The following GCNT2 variants were observed in gnomAD, a reference collection of about 807,000 sequenced individuals.
GCNT2 encodes the protein glucosaminyl (N-acetyl) transferase 2 (I blood group).
Under a neutral mutation model 34.2 loss-of-function variants are expected in GCNT2, and 34 were observed. The ratio of observed to expected loss-of-function variants is 1.00; its 90% CI spans 0.76 to 1.32. The LOEUF is 1.32. Ranked by LOEUF, GCNT2 falls within the 40% of genes most tolerant of loss-of-function variation. The pLI is 0.00. For synonymous variants in GCNT2, 212 were observed against 188.0 expected (o/e 1.13, Z -1.04); for missense variants, 584 against 489.4 (o/e 1.19, Z -1.82).
intron 1 of GCNT2, among the ~76,000 whole-genome samples, chr6:10,524,328 G>T (rs1761084618): frequency 6.8e-6 from 1 of 147,850 alleles, no homozygotes; most frequent in South Asian, 2.2e-4. Context: ...TCGGCTCACC[G>T]CAACCTTCGC....
At chr6:10,595,479 G>A (rs767891774) in intron 3 of GCNT2, among the ~76,000 whole-genome samples, 12 of 151,876 alleles carry the variant, frequency 7.9e-5, no homozygotes, top group Non-Finnish European at 1.5e-4. Context: ...GGGTTTCATC[G>A]TGTTGGCCAG....
chr6:10,577,014 G>T, intron 3 of GCNT2, among the ~76,000 whole-genome samples: 1 of 152,260 alleles, frequency 6.6e-6, no homozygotes, highest in African/African-American at 2.4e-5. Context: ...GGAGTTCAAG[G>T]CTGCAGTGAG....
intron 3 of GCNT2, among the ~76,000 whole-genome samples, chr6:10,613,652 A>T (rs1461353211): frequency 6.6e-6 from 1 of 152,230 alleles, no homozygotes; most frequent in African/African-American, 2.4e-5. Flanking sequence ...AAAACAACAT[A>T]AAATTAACAA....
intron 3 of GCNT2, among the ~76,000 whole-genome samples, chr6:10,563,777 A>AAATATATATAT (rs1554130891): frequency 8.1e-5 from 2 of 24,708 alleles, no homozygotes; most frequent in African/African-American, 2.6e-4. Flanking sequence ...AAAAAAAAAA[A>AAATATATATAT]ATATATATAT....
At chr6:10,589,739 T>C (rs1764551268) in intron 3 of GCNT2, among the ~76,000 whole-genome samples, 1 of 152,180 alleles carries the variant, frequency 6.6e-6, no homozygotes, top group African/African-American at 2.4e-5. Flanking sequence ...GGTACTTTAT[T>C]ATGTTTATAG....
chr6:10,626,558 GA>G lies in GCNT2; in HGVS notation c.1162del (p.Thr388ProfsTer23). 1 of 1,614,016 alleles carries G rather than the reference GA, an allele frequency of 6.2e-7. No individual in the cohort carries two copies. Among genetic ancestry groups the G allele is most frequent in the Non-Finnish European group, 8.5e-7 (1 of 1,179,886 alleles). ...TGCCTAGAACTGAGGCATCGCGAAAGAACCCTCAATCAGAGTGAAACTGCGA... is the reference window on the plus strand; with the variant it reads ...TGCCTAGAACTGAGGCATCGCGAAAGACCCTCAATCAGAGTGAAACTGCGA... ...VECLELRHRE[R>X]TLNQSETAIQ... On this transcript the variant is annotated frameshift_variant, in exon 5 of 5. Transcript: ENST00000495262. LOFTEE classifies it high-confidence loss of function.
chr6:10,592,234 T>C (rs1764682741), intron 3 of GCNT2, among the ~76,000 whole-genome samples: 1 of 152,228 alleles, frequency 6.6e-6, no homozygotes, highest in African/African-American at 2.4e-5. Context: ...CTTCCATAGG[T>C]TCGTATCCAT....
At chr6:10,549,914 C>T (rs150055039) in intron 3 of GCNT2, among the ~76,000 whole-genome samples, 163 of 152,156 alleles carry the variant, frequency 1.1e-3, no homozygotes, top group African/African-American at 3.6e-3. Context: ...AATATAAGCA[C>T]CAGGTGTTTG....
chr6:10,537,728 AAAAC>A (rs1561784320), intron 3 of GCNT2, among the ~76,000 whole-genome samples: 2 of 102,056 alleles, frequency 2.0e-5, no homozygotes, highest in African/African-American at 3.9e-5. Context: ...AAAAAAAAAC[AAAAC>A]AAAGAAAACG....
intron 3 of GCNT2, among the ~76,000 whole-genome samples, chr6:10,579,054 T>G (rs141002133): frequency 1.2e-4 from 18 of 152,336 alleles, no homozygotes; most frequent in Middle Eastern, 3.4e-3. Context: ...TTAATATGAA[T>G]TTCTCTGATC....
At chr6:10,563,598 C>T (rs1763113563) in intron 3 of GCNT2, among the ~76,000 whole-genome samples, 1 of 151,114 alleles carries the variant, frequency 6.6e-6, no homozygotes, top group South Asian at 2.1e-4. Flanking sequence ...AAAAATTAGC[C>T]TGGCGTGGTG....
intron 3 of GCNT2, among the ~76,000 whole-genome samples, chr6:10,602,055 G>A (rs9466915): frequency 1.3e-5 from 2 of 152,082 alleles, no homozygotes; most frequent in Admixed American, 6.5e-5. Context: ...GAGAGGGTAC[G>A]AGGGCAAACC....
chr6:10,614,969 T>C (rs925154091), intron 3 of GCNT2, among the ~76,000 whole-genome samples: 2 of 152,190 alleles, frequency 1.3e-5, no homozygotes, highest in East Asian at 1.9e-4. Flanking sequence ...GCTGATGCCT[T>C]CAAGGAGGTG....
At chr6:10,552,566 C>T (rs887605463) in intron 3 of GCNT2, among the ~76,000 whole-genome samples, 6 of 151,548 alleles carry the variant, frequency 4.0e-5, no homozygotes, top group Middle Eastern at 3.2e-3. Flanking sequence ...ACATTGTATT[C>T]GGTATTATAA....
chr6:10,572,213 T>C (rs1194262149), intron 3 of GCNT2, among the ~76,000 whole-genome samples: 2 of 152,116 alleles, frequency 1.3e-5, no homozygotes, highest in African/African-American at 2.4e-5. Flanking sequence ...ATATTTATGT[T>C]CCGCAGAACT....
chr6:10,590,049 C>T (rs1442380973), intron 3 of GCNT2, among the ~76,000 whole-genome samples: 1 of 152,162 alleles, frequency 6.6e-6, no homozygotes, highest in Admixed American at 6.5e-5. Flanking sequence ...GCTGATAGAA[C>T]ACCTACTATT....
chr6:10,616,614 C>G (rs1380954856), intron 3 of GCNT2, among the ~76,000 whole-genome samples: 5 of 152,126 alleles, frequency 3.3e-5, no homozygotes. Context: ...GCTGCATTCA[C>G]AATCCCTTAG....
chr6:10,609,599 T>G (rs1199168469), intron 3 of GCNT2, among the ~76,000 whole-genome samples: 1 of 152,100 alleles, frequency 6.6e-6, no homozygotes, highest in African/African-American at 2.4e-5. Context: ...TGGTCAGCAT[T>G]TTGGGATCTT....
intron 3 of GCNT2, chr6:10,587,028 A>G (rs1764385793): frequency 1.2e-6 from 1 of 808,812 alleles, no homozygotes; most frequent in Admixed American, 2.0e-5. Context: ...TTAGAAAACT[A>G]TTAGTTTGGT....
Sources: gnomAD v4.1 joint callset for allele counts (sites outside exome capture counted in the v4.1 genomes callset) on GRCh38, gnomAD v4.1.1 for gene constraint, MANE v1.5 for transcripts, NCBI Gene and HGNC (gene_info 2026-07-23, HGNC 2026-07-21) for gene names.